Variants in NOL10 observed in about 807,000 individuals in gnomAD.
NOL10 encodes the protein H_NH0074G24.1.
NOL10 carries 58 observed loss-of-function variants against 103.5 expected under a neutral mutation model. The observed-to-expected ratio is 0.56, with a 90% CI of 0.45 to 0.70. The LOEUF (loss-of-function observed/expected upper bound fraction) is 0.70, where lower values mean the gene tolerates loss of function less well. NOL10 is among the 30% of genes least tolerant of loss of function. NOL10 has a pLI of 0.00. For synonymous variants in NOL10, 287 were observed against 282.5 expected (o/e 1.02, Z -0.16); for missense variants, 763 against 807.3 (o/e 0.95, Z 0.67).
intron 17 of NOL10, among the ~76,000 whole-genome samples, chr2:10,597,963 T>G (rs1319210686): frequency 2.6e-5 from 4 of 152,184 alleles, no homozygotes; most frequent in Admixed American, 2.6e-4. Context: ...TTAGAGAATA[T>G]GTAGCAACAA....
At chr2:10,583,815 G>A (rs1489924251) in intron 19 of NOL10, among the ~76,000 whole-genome samples, 2 of 152,184 alleles carry the variant, frequency 1.3e-5, no homozygotes, top group African/African-American at 2.4e-5. Context: ...CAGGTTCTCC[G>A]CACATTGTCT....
intron 3 of NOL10, among the ~76,000 whole-genome samples, chr2:10,676,166 G>C (rs911686723): frequency 1.3e-5 from 2 of 152,130 alleles, no homozygotes; most frequent in African/African-American, 4.8e-5. Flanking sequence ...ATTAAAAAAC[G>C]GTTAATATCT....
intron 2 of NOL10, 24 bp downstream of exon 2, chr2:10,684,543 G>A: frequency 6.4e-7 from 1 of 1,554,716 alleles, no homozygotes. Flanking sequence ...TAACGCAGCT[G>A]AAGTGGGAAA....
intron 3 of NOL10, 124 bp from the exon 4 acceptor site, chr2:10,675,995 G>A: frequency 2.1e-6 from 1 of 484,038 alleles, no homozygotes; most frequent in East Asian, 3.4e-5. Context: ...TCAAAAGAAA[G>A]GAATGTAAAA....
intron 13 of NOL10, among the ~76,000 whole-genome samples, chr2:10,636,419 C>CAAAAAAAAA (rs1678220488): frequency 5.0e-5 from 1 of 20,006 alleles, no homozygotes; most frequent in Non-Finnish European, 1.7e-4. Context: ...CTACAAAAAA[C>CAAAAAAAAA]CAAAAAAAAA....
At chr2:10,600,132 T>C (rs1675896641) in intron 17 of NOL10, among the ~76,000 whole-genome samples, 1 of 152,118 alleles carries the variant, frequency 6.6e-6, no homozygotes, top group African/African-American at 2.4e-5. Flanking sequence ...TTCCAGCACA[T>C]AACCAAGCTT....
chr2:10,648,183 G>A (rs563511081), intron 12 of NOL10, among the ~76,000 whole-genome samples: 1 of 152,166 alleles, frequency 6.6e-6, no homozygotes, highest in Non-Finnish European at 1.5e-5. Context: ...AATATACTGA[G>A]CAGCCTTGGT....
chr2:10,624,866 A>C (rs1677363166), intron 13 of NOL10, among the ~76,000 whole-genome samples: 1 of 152,230 alleles, frequency 6.6e-6, no homozygotes. Flanking sequence ...AACTGGAAAC[A>C]ACCAAGAGGC....
rs1558356233 is a variant in NOL10 at position 10,682,081 on chromosome 2, G to A, written c.113-12C>T. ...TCTCCTACGGACATCTAAAAAGAGA[G>A]AAAAAAACAACTAGTTTAACTAACA... On this transcript the variant is annotated splice_polypyrimidine_tract_variant and intron_variant, in intron 2 of 20. Transcript: ENST00000381685. The A allele has an allele frequency of 2.3e-6, 3 of 1,323,016 alleles. No individual in the cohort carries two copies. The highest frequency in any genetic ancestry group is 2.6e-5 in the Admixed American group (1 of 37,824). 82.0% of individuals were successfully genotyped at this position (1,323,016 alleles called of 1,614,324 possible). A position where few individuals can be genotyped will look rare whatever the true frequency, so the allele number is the denominator to read the frequency against.
At chr2:10,597,647 T>C (rs1434387131) in intron 17 of NOL10, among the ~76,000 whole-genome samples, 1 of 152,230 alleles carries the variant, frequency 6.6e-6, no homozygotes, top group Non-Finnish European at 1.5e-5. Context: ...TAAATATTTC[T>C]GGAATGAAAC....
At chr2:10,600,981 A>C in intron 16 of NOL10, 39 bp from the exon 17 acceptor site, 1 of 1,254,662 alleles carries the variant, frequency 8.0e-7, no homozygotes, top group Non-Finnish European at 1.1e-6. Context: ...ATTTTATTTT[A>C]AAAGCTAACA....
chr2:10,647,926 CT>C (rs1421193726), intron 12 of NOL10, among the ~76,000 whole-genome samples: 1 of 152,184 alleles, frequency 6.6e-6, no homozygotes, highest in Non-Finnish European at 1.5e-5. Flanking sequence ...CCCAGTGCCC[CT>C]GTTCTTTTCT....
intron 17 of NOL10, among the ~76,000 whole-genome samples, chr2:10,598,263 G>A (rs1195475816): frequency 1.3e-5 from 2 of 152,198 alleles, no homozygotes; most frequent in Admixed American, 6.5e-5. Flanking sequence ...GTGATGCACC[G>A]TGAATTTCCT....
At chr2:10,675,396 GACA>G (rs1277258773) in intron 4 of NOL10, among the ~76,000 whole-genome samples, 1 of 151,512 alleles carries the variant, frequency 6.6e-6, no homozygotes, top group Admixed American at 6.6e-5. Flanking sequence ...ACTGAATTCT[GACA>G]ACAACCTGAG....
chr2:10,636,849 A>C (rs976037968), intron 13 of NOL10, among the ~76,000 whole-genome samples: 1 of 152,154 alleles, frequency 6.6e-6, no homozygotes, highest in Admixed American at 6.5e-5. Context: ...TAGACTAACA[A>C]ATTCAATTCA....
chr2:10,656,505 T>C (rs367855469), intron 11 of NOL10, among the ~76,000 whole-genome samples: 8 of 152,244 alleles, frequency 5.3e-5, no homozygotes, highest in Admixed American at 3.9e-4. Context: ...ACAGCTCTGG[T>C]CTCCAGGACA....
chr2:10,613,701 T>C (rs540374335), intron 13 of NOL10, among the ~76,000 whole-genome samples: 1 of 152,334 alleles, frequency 6.6e-6, no homozygotes, highest in Admixed American at 6.5e-5. Context: ...TATGTTATAA[T>C]GACACTATTA....
Position 10,657,800 on chromosome 2 carries a change from G to A in NOL10, c.848C>T (p.Ser283Leu), listed in dbSNP as rs1446536303. The A allele has an allele frequency of 3.2e-6, 5 of 1,551,024 alleles. No individual in the cohort carries two copies. The highest frequency in any genetic ancestry group is 2.0e-5 in the Admixed American group (1 of 50,960). ...GTCAGCAGACAAAATCAGATCTAATGAATCCTGGAAATGAACGGACTTAAT... is the reference window on the plus strand; with the variant it reads ...GTCAGCAGACAAAATCAGATCTAATAAATCCTGGAAATGAACGGACTTAAT... Reference protein sequence around the residue: ...LPIKSVHFQDSLDLILSADSR... With the variant: ...LPIKSVHFQDLLDLILSADSR... The change falls in exon 11 of 21, where the codon TCA (serine) becomes TTA (leucine). Residue 283 changes from serine to leucine, a missense_variant. Coordinates refer to ENST00000381685, the MANE Select transcript of NOL10 (RefSeq NM_024894.4).
intron 8 of NOL10, among the ~76,000 whole-genome samples, chr2:10,665,280 A>G (rs186377126): frequency 2.0e-5 from 3 of 152,358 alleles, no homozygotes; most frequent in Non-Finnish European, 4.4e-5. Flanking sequence ...GGGTATGCAG[A>G]TAACTTCCAG....
Sources: allele counts gnomAD v4.1 joint callset (sites outside exome capture counted in the v4.1 genomes callset), GRCh38; gene constraint gnomAD v4.1.1; transcripts MANE v1.5; gene names NCBI Gene and HGNC (gene_info 2026-07-23, HGNC 2026-07-21).